Variants in HPX observed in about 807,000 individuals in gnomAD.
HPX encodes the protein beta-1B-glycoprotein.
A neutral mutation model predicts 53.8 loss-of-function variants in HPX; 42 were observed. The ratio of observed to expected loss-of-function variants is 0.78; its 90% CI spans 0.61 to 1.01. The LOEUF is 1.01. Ranked by LOEUF, HPX falls within the 50% of genes least tolerant of loss-of-function variation. The pLI is 0.00. For missense variants in HPX, 547 were observed against 594.3 expected (o/e 0.92, Z 0.83); for synonymous variants, 229 against 221.1 (o/e 1.04, Z -0.32).
rs1849343285 is a variant in HPX, at chr11:6,431,255, G to A, written c.1345C>T (p.Pro449Ser). 6.2e-7 allele frequency: 1 copy of A among 1,614,274 alleles called. No individual in the cohort carries two copies. The highest frequency in any genetic ancestry group is 8.5e-7 in the Non-Finnish European group (1 of 1,180,050). The change falls in exon 10 of 10, where the codon CCG becomes TCG. Residue 449 changes from proline to serine, a missense_variant. By Grantham distance (74) the Pro-to-Ser change is moderately conservative. Transcript: ENST00000265983. ...VEKLNAAKAL[P>S]QPQNVTSLLG... ...AGACTGGTCACATTCTGGGGTTGCG[G>A]AAGGGCCTTGGCTGCATTCAGTTTC...
At position 6,437,499 on chromosome 11, in the gene HPX, T is replaced by G. The variant is rs759094687; in HGVS notation, c.644A>C (p.Glu215Ala). The change falls in exon 6 of 10, where the codon GAG (glutamate) becomes GCG (alanine). Residue 215 changes from glutamate (E) to alanine (A), a missense_variant. Transcript: ENST00000265983. ...QFLRFDPVRG[E>A]VPPRYPRDVR... is the part of the protein sequence containing the mutation. ...ATCCCGCGGGTACCTGGGAGGCACC[T>G]CTCCCCTGACAGGGTCGAAGCGCAG... The G allele has an allele frequency of 6.2e-7, 1 of 1,614,056 alleles. No individual in the cohort carries two copies. Among genetic ancestry groups the G allele is most frequent in the Non-Finnish European group, 8.5e-7 (1 of 1,179,994 alleles).
chr11:6,439,559 GT>G (rs1849459280), intron 4 of HPX: 1 of 157,696 alleles, frequency 6.3e-6, no homozygotes, highest in Non-Finnish European at 1.4e-5. Flanking sequence ...CTGAGGGAAG[GT>G]ATATGGAAAG....
At chr11:6,433,889 T>A (rs567524261) in intron 7 of HPX, among the ~76,000 whole-genome samples, 54 of 152,324 alleles carry the variant, frequency 3.5e-4, no homozygotes, top group Admixed American at 6.5e-4. Flanking sequence ...CCTAAAATGC[T>A]TTTCCTCCAG....
chr11:6,440,342 A>G, intron 3 of HPX, 56 bp from the exon 4 acceptor site: 1 of 1,609,554 alleles, frequency 6.2e-7, no homozygotes, highest in Non-Finnish European at 8.5e-7. Flanking sequence ...ACCTACTGAG[A>G]TAGCTTGAGA....
intron 7 of HPX, among the ~76,000 whole-genome samples, chr11:6,435,807 G>C: frequency 6.6e-6 from 1 of 152,198 alleles, no homozygotes; most frequent in East Asian, 1.9e-4. Flanking sequence ...TCTCTCAACA[G>C]CTATGGAACA....
chr11:6,439,871 T>C (rs1167205545), intron 4 of HPX: 5 of 420,698 alleles, frequency 1.2e-5, no homozygotes, highest in South Asian at 4.1e-5. Flanking sequence ...TACAGGGTCA[T>C]GGAAGGCAAG....
chr11:6,439,570 G>T, intron 4 of HPX: 1 of 168,872 alleles, frequency 5.9e-6, no homozygotes, highest in Non-Finnish European at 1.3e-5. Context: ...TATATGGAAA[G>T]GCTAGGATGG....
rs1287312656 is a variant in HPX, at chr11:6,438,529, C to T, written c.337-20G>A. The T allele has an allele frequency of 6.2e-7, 1 of 1,612,140 alleles. No homozygotes were observed. Among genetic ancestry groups the T allele is most frequent in the Non-Finnish European group, 8.5e-7 (1 of 1,178,248 alleles). On this transcript the variant is annotated intron_variant, in intron 4 of 9. Transcript: ENST00000265983. ...GTCCCCCTGCATTCAAAAGTACTCT[C>T]TTTTTGACTGTGCATCCCCAGATAC...
chr11:6,432,078 A>G, intron 7 of HPX, 61 bp from the exon 8 acceptor site: 5 of 1,593,444 alleles, frequency 3.1e-6, no homozygotes. Context: ...AGAAGAGGCT[A>G]GTGATGAATG....
chr11:6,438,568 T>A, intron 4 of HPX, 59 bp from the exon 5 acceptor site: 1 of 1,482,766 alleles, frequency 6.7e-7, no homozygotes. Flanking sequence ...CACTCTGCAT[T>A]TACACACATT....
intron 7 of HPX, among the ~76,000 whole-genome samples, chr11:6,433,679 T>C (rs572005749): frequency 1.3e-5 from 2 of 152,352 alleles, no homozygotes; most frequent in South Asian, 4.1e-4. Context: ...TGATCTTTTA[T>C]AAAAAATGAG....
rs184240090 is a variant in HPX, at chr11:6,440,787, C to T, written c.84-57G>A. ...TTGGGACCGATCCCTTTCCCATAGC[C>T]CCTGACCCCAAATTTGACCGAGGCC... On this transcript the variant is annotated intron_variant, in intron 1 of 9. Transcript: ENST00000265983. 28 of 1,595,844 alleles carry T rather than the reference C, an allele frequency of 1.8e-5. 1 individual carries two copies. Among genetic ancestry groups the T allele is most frequent in the East Asian group, 1.6e-4 (7 of 44,790 alleles).
Position 6,431,752 on chromosome 11 carries a change from C to G in HPX, c.1018G>C (p.Gly340Arg). Residue 340 changes from glycine (G) to arginine (R), a missense_variant, in exon 9 of 10, where the codon GGT becomes CGT. Physicochemically the swap from Gly to Arg is moderately radical, Grantham distance 125. Coordinates refer to ENST00000265983, the MANE Select transcript of HPX (RefSeq NM_000613.3). ...TCCTTCTCCAGCCGCTTCGGATAAC[C>G]GCTTACTAGGGTATAGCCTCCCTTT... ...LTKGGYTLVS[G>R]YPKRLEKEVG... The G allele has an allele frequency of 6.2e-7, 1 of 1,614,176 alleles. No individual in the cohort carries two copies. The highest frequency in any genetic ancestry group is 8.5e-7 in the Non-Finnish European group (1 of 1,180,038).
At chr11:6,439,934 A>T (rs1849462086) in intron 4 of HPX, 1 of 578,260 alleles carries the variant, frequency 1.7e-6, no homozygotes, top group Admixed American at 2.7e-5. Flanking sequence ...GGTACAGCAG[A>T]GCGGTGTAGA....
At chr11:6,438,078 G>A (rs1344811833) in intron 5 of HPX, 13 of 523,740 alleles carry the variant, frequency 2.5e-5, no homozygotes, top group Non-Finnish European at 4.1e-5. Flanking sequence ...GCCATGGAGA[G>A]ACTTGTATGT....
Position 6,437,131 on chromosome 11 carries a change from A to G in HPX, c.750T>C (p.His250=), listed in dbSNP as rs1007941519. 3 of 1,614,148 alleles carry G rather than the reference A, an allele frequency of 1.9e-6. No homozygotes were observed. Among genetic ancestry groups the G allele is most frequent in the Non-Finnish European group, 2.5e-6 (3 of 1,180,008 alleles). ...NGTGHGNSTH[H]GPEYMRCSPH... ...GGCTACAGCGCATATACTCAGGGCC[A>G]TGGTGGGTACTGTTCCCATGGCCAG... Residue 250 remains histidine, a synonymous_variant, in exon 7 of 10, where the codon CAT becomes CAC. Coordinates refer to ENST00000265983, the MANE Select transcript of HPX (RefSeq NM_000613.3).
rs768297604 is a variant in HPX, at chr11:6,438,604, T to C, written c.337-95A>G. 48 of 1,127,566 alleles carry C rather than the reference T, an allele frequency of 4.3e-5. No homozygotes were observed. The African/African-American group carries it at 5.3e-4, about 13-fold the overall frequency. 69.8% of individuals were successfully genotyped at this position (1,127,566 alleles called of 1,614,324 possible). A position where few individuals can be genotyped will look rare whatever the true frequency, so the allele number is the denominator to read the frequency against. On this transcript the variant is annotated intron_variant, in intron 4 of 9. Coordinates refer to ENST00000265983, the MANE Select transcript of HPX (RefSeq NM_000613.3). ...TTTTATCTACTGTGCTTATACGATA[T>C]CCTCCTGTGGCCCTACACATTCTCA...
At position 6,436,941 on chromosome 11, in the gene HPX, C is replaced by T. The variant is rs910544703; in HGVS notation, c.835+105G>A. On this transcript the variant is annotated intron_variant, in intron 7 of 9. Transcript: ENST00000265983. ...TGCAGAAGGATGGGGACAGAGGGGACAAAATAAGTGACACAGTGATGACAA... is the reference window on the plus strand; with the variant it reads ...TGCAGAAGGATGGGGACAGAGGGGATAAAATAAGTGACACAGTGATGACAA... 3.1e-6 allele frequency: 4 copies of T among 1,305,030 alleles called. No individual in the cohort carries two copies. The African/African-American group carries it at 5.8e-5, about 19-fold the overall frequency. 80.8% of individuals were successfully genotyped at this position (1,305,030 alleles called of 1,614,324 possible).
intron 5 of HPX, 29 bp from the exon 6 acceptor site, chr11:6,437,681 G>A (rs1313275316): frequency 1.9e-6 from 3 of 1,585,028 alleles, no homozygotes; most frequent in Non-Finnish European, 2.6e-6. Flanking sequence ...CAGGCATTTG[G>A]TGAGACCGGG....
Sources: gnomAD v4.1 joint callset for allele counts (sites outside exome capture counted in the v4.1 genomes callset) on GRCh38, gnomAD v4.1.1 for gene constraint, MANE v1.5 for transcripts, NCBI Gene and HGNC (gene_info 2026-07-23, HGNC 2026-07-21) for gene names.